GSDME: variants seen among roughly 807,000 people sequenced by gnomAD.
GSDME encodes the protein gasdermin-E.
In GSDME, 44 loss-of-function variants were observed where a neutral mutation model predicts 47.5. The observed-to-expected ratio is 0.93, with a 90% confidence interval of 0.73 to 1.19. The LOEUF (loss-of-function observed/expected upper bound fraction) is 1.19, where lower values mean the gene tolerates loss of function less well. Ranked by LOEUF, GSDME falls within the 50% of genes most tolerant of loss-of-function variation. The pLI is 0.00. For missense variants in GSDME, 663 were observed against 604.2 expected (o/e 1.10, Z -1.02); for synonymous variants, 258 against 252.8 (o/e 1.02, Z -0.20).
chr7:24,700,818 A>G (rs6972125), intron 9 of GSDME, among the ~76,000 whole-genome samples: 282 of 152,330 alleles, frequency 1.9e-3, no homozygotes, highest in Non-Finnish European at 3.3e-3. Context: ...CCACTGGCGC[A>G]GGCTGGAGAC....
chr7:24,708,352 C>T (rs1389858166), intron 6 of GSDME, 98 bp from the exon 7 acceptor site: 4 of 1,412,724 alleles, frequency 2.8e-6, no homozygotes, highest in Admixed American at 3.6e-5. Flanking sequence ...GTCATCAGTT[C>T]TTTCATGGAT....
At chr7:24,708,681 CCTTT>C (rs1459450010) in intron 6 of GSDME, among the ~76,000 whole-genome samples, 3 of 152,222 alleles carry the variant, frequency 2.0e-5, no homozygotes, top group Non-Finnish European at 2.9e-5. Flanking sequence ...TTTTTCACGT[CCTTT>C]CTTGTAGTAC....
At chr7:24,763,453 C>T in the GSDME span, among the ~76,000 whole-genome samples, 1 of 151,642 alleles carries the variant, frequency 6.6e-6, no homozygotes, top group Non-Finnish European at 1.5e-5. The surrounding 1 kb of genome is among the most constrained non-coding windows in gnomAD (Gnocchi z 4.3). Flanking sequence ...AATCTGATAA[C>T]CTAGATGGCC....
At chr7:24,775,356 C>G in the GSDME span, among the ~76,000 whole-genome samples, 1 of 152,194 alleles carries the variant, frequency 6.6e-6, no homozygotes, top group Non-Finnish European at 1.5e-5. Flanking sequence ...AATTTCTGTA[C>G]TATAAAATCA....
At chr7:24,749,157 A>G (rs933112122) in intron 2 of GSDME, among the ~76,000 whole-genome samples, 5 of 152,220 alleles carry the variant, frequency 3.3e-5, no homozygotes, top group African/African-American at 1.2e-4. Flanking sequence ...AAGCAAAGAA[A>G]CAGGAGAATT....
rs576824669 is a variant in GSDME at position 24,712,855 on chromosome 7, C to A, written c.698-2467G>T. 6.6e-6 allele frequency among the ~76,000 whole-genome samples: 1 copy of A among 152,056 alleles called. No individual in the cohort carries two copies. Among genetic ancestry groups the A allele is most frequent in the Non-Finnish European group, 1.5e-5 (1 of 68,008 alleles). On this transcript the variant is annotated intron_variant, in intron 5 of 9. Coordinates refer to ENST00000645220, the MANE Select transcript of GSDME (RefSeq NM_001127453.2). The surrounding 1 kb of genome is among the most constrained non-coding windows in gnomAD (Gnocchi z 4.4). ...CCAACATGGAGAAACCTCGTCTTTA[C>A]TAAAAATACAAAATTAGCCGGGCAT...
Position 24,754,420 on chromosome 7 carries a change from G to GGTTGCAGTGAGCCAAGATCCTGCC in GSDME, c.-20+2952_-20+2975dup, listed in dbSNP as rs1159987345. ...GAATCACTTGAACCTGGGAGGCAGA[G>GGTTGCAGTGAGCCAAGATCCTGCC]GTTGCAGTGAGCCAAGATCCTGCCA... is the stretch of plus-strand genomic sequence containing the variant. On this transcript the variant is annotated intron_variant, in intron 1 of 9. Coordinates refer to ENST00000645220, the MANE Select transcript of GSDME (RefSeq NM_001127453.2). The surrounding 1 kb of genome is among the most constrained non-coding windows in gnomAD (Gnocchi z 5.0). Among the ~76,000 whole-genome samples the GGTTGCAGTGAGCCAAGATCCTGCC allele has an allele frequency of 1.3e-5, 2 of 151,894 alleles. No homozygotes were observed. The highest frequency in any genetic ancestry group is 4.8e-5 in the African/African-American group (2 of 41,312).
rs754553 is a variant in GSDME at position 24,719,233 on chromosome 7, C to G, written c.405-15G>C. The G allele has an allele frequency of 5.6e-6, 9 of 1,606,500 alleles. No individual in the cohort carries two copies. In the South Asian group the frequency reaches 9.9e-5, roughly 18 times the overall value. ...GATTTATTGTTCTGAAAAAGAAAAA[C>G]GGATGTGAGTGGCTTAGTGCCTCAG... On this transcript the variant is annotated splice_polypyrimidine_tract_variant and intron_variant, in intron 3 of 9. Transcript: ENST00000645220.
rs112630870 is a variant in GSDME at position 24,724,502 on chromosome 7, G to A, written c.405-5284C>T. Among the ~76,000 whole-genome samples the A allele has an allele frequency of 7.9e-5, 12 of 152,324 alleles. 1 individual carries two copies. Among genetic ancestry groups the A allele is most frequent in the African/African-American group, 2.9e-4 (12 of 41,568 alleles). On this transcript the variant is annotated intron_variant, in intron 3 of 9. Coordinates refer to ENST00000645220, the MANE Select transcript of GSDME (RefSeq NM_001127453.2). This position sits in a 1 kb window ranked among gnomAD's most constrained non-coding sequence, Gnocchi z 4.8. ...GGCGGGGGCGGCAACGTGAAAGCAA[G>A]AACAGGAGGCCACTGAGGCAGAGGC... is the stretch of plus-strand genomic sequence containing the variant.
chr7:24,785,800 C>T, the GSDME span, among the ~76,000 whole-genome samples: 3 of 152,194 alleles, frequency 2.0e-5, no homozygotes, highest in African/African-American at 7.2e-5. Context: ...CTTAGGCTGC[C>T]ACTTCCTATC....
the GSDME span, among the ~76,000 whole-genome samples, chr7:24,774,286 T>C: frequency 6.2e-5 from 1 of 16,220 alleles, no homozygotes; most frequent in Non-Finnish European, 9.7e-5. Flanking sequence ...CCTCCCTTCC[T>C]CCCTCCCTCC....
intron 7 of GSDME, 49 bp from the exon 8 acceptor site, chr7:24,706,425 G>A (rs758782183): frequency 6.7e-5 from 105 of 1,572,314 alleles, no homozygotes; most frequent in South Asian, 1.9e-4. Context: ...GAGACCAAGC[G>A]CCACAGCTGG....
chr7:24,746,272 T>C (rs1790665550), intron 2 of GSDME, among the ~76,000 whole-genome samples: 1 of 152,224 alleles, frequency 6.6e-6, no homozygotes, highest in Non-Finnish European at 1.5e-5. Context: ...ACAAACATTT[T>C]GGGCAATGCC....
At chr7:24,750,798 T>G (rs1167393076) in intron 1 of GSDME, among the ~76,000 whole-genome samples, 1 of 152,128 alleles carries the variant, frequency 6.6e-6, no homozygotes, top group Non-Finnish European at 1.5e-5. Context: ...AAAGGCACAG[T>G]CATACTTTAG....
rs1788748860 is a variant in GSDME at position 24,699,023 on chromosome 7, A to G, written c.*3T>C. The G allele has an allele frequency of 1.2e-6, 2 of 1,601,238 alleles. No homozygotes were observed. The highest frequency in any genetic ancestry group is 2.2e-5 in the East Asian group (1 of 44,794). ...AACACGTACTTCTAGTTCACATATG[A>G]CATCATGAATGTTCTCTGCCTAAAG... On this transcript the variant is annotated 3_prime_UTR_variant, in exon 10 of 10. Coordinates refer to ENST00000645220, the MANE Select transcript of GSDME (RefSeq NM_001127453.2).
chr7:24,713,878 G>T (rs986375906), intron 5 of GSDME, among the ~76,000 whole-genome samples: 6 of 152,292 alleles, frequency 3.9e-5, no homozygotes, highest in Middle Eastern at 3.4e-3. Flanking sequence ...GACTGCTTGA[G>T]CCCAGAGTTC....
rs1418321120 is a variant in GSDME, at chr7:24,725,576, G to C, written c.405-6358C>G. 2.6e-5 allele frequency among the ~76,000 whole-genome samples: 4 copies of C among 152,188 alleles called. No homozygotes were observed. Among genetic ancestry groups the C allele is most frequent in the Non-Finnish European group, 4.4e-5 (3 of 68,038 alleles). ...TTTAAGGGCTCACAACTCTAAGGGGGTGCGCATGAGAGGGTCGTGATCGAT... is the reference window on the plus strand; with the variant it reads ...TTTAAGGGCTCACAACTCTAAGGGGCTGCGCATGAGAGGGTCGTGATCGAT... On this transcript the variant is annotated intron_variant, in intron 3 of 9. Transcript: ENST00000645220. The surrounding 1 kb of genome is among the most constrained non-coding windows in gnomAD (Gnocchi z 5.1).
intron 7 of GSDME, 64 bp from the exon 8 acceptor site, chr7:24,706,440 T>A: frequency 6.6e-7 from 1 of 1,526,618 alleles, no homozygotes; most frequent in Non-Finnish European, 8.9e-7. Context: ...AGCTGGGGCC[T>A]CCGCTCACAG....
At chr7:24,749,817 A>G in intron 1 of GSDME, 24 bp from the exon 2 acceptor site, 1 of 1,510,458 alleles carries the variant, frequency 6.6e-7, no homozygotes, top group Non-Finnish European at 9.2e-7. Flanking sequence ...GTTATCCTAA[A>G]ATCAAATAAG....
Sources: gnomAD v4.1 joint callset for allele counts (sites outside exome capture counted in the v4.1 genomes callset) on GRCh38, gnomAD v4.1.1 for gene constraint, Gnocchi (gnomAD v3.1) non-coding constraint, MANE v1.5 for transcripts, NCBI Gene and HGNC (gene_info 2026-07-23, HGNC 2026-07-21) for gene names.